The following KCNIP4 variants were observed in gnomAD, a reference collection of about 807,000 sequenced individuals.
The protein encoded by KCNIP4 is Kv channel-interacting protein 4.
A neutral mutation model predicts 34.0 loss-of-function variants in KCNIP4; 12 were observed. That is an observed-to-expected ratio of 0.35 (90% CI 0.23 to 0.57). KCNIP4 has a LOEUF of 0.57. Ranked by LOEUF, KCNIP4 falls within the 20% of genes least tolerant of loss-of-function variation. The pLI is 0.83. For missense variants in KCNIP4, 238 were observed against 311.7 expected, an observed-to-expected ratio of 0.76 and a Z score of 1.78; for synonymous variants, 124 against 102.2, an observed-to-expected ratio of 1.21 and a Z score of -1.29.
At chr4:21,304,071 GAGAGAGAGAGAGAGAC>G (rs878948981) in intron 1 of KCNIP4, 69,938 of 334,664 alleles carry the variant, frequency 0.21, 8,143 homozygotes, top group Admixed American at 0.29. Context: ...GAGAGAGACA[GAGAGAGAGAGAGAGAC>G]AGAGAGAGAG....
chr4:21,588,857 A>G (rs995154690), intron 1 of KCNIP4, among the ~76,000 whole-genome samples: 3 of 151,642 alleles, frequency 2.0e-5, no homozygotes, highest in Non-Finnish European at 4.4e-5. Flanking sequence ...TCACTACGAC[A>G]TAAGGATTCT....
chr4:20,802,302 A>T (rs1026423393), intron 3 of KCNIP4, among the ~76,000 whole-genome samples: 5 of 122,510 alleles, frequency 4.1e-5, no homozygotes, highest in Admixed American at 2.7e-4. Flanking sequence ...ATATATATGC[A>T]ATATATATAT....
chr4:21,652,220 T>C lies in KCNIP4; in HGVS notation c.61+296351A>G, dbSNP rs969116967. Among the ~76,000 whole-genome samples the C allele has an allele frequency of 8.5e-5, 13 of 152,220 alleles. No individual in the cohort carries two copies. In the South Asian group the frequency reaches 1.4e-3, roughly 17 times the overall value. On this transcript the variant is annotated intron_variant, in intron 1 of 8. Transcript: ENST00000382152. The stretch of plus-strand genomic sequence containing the variant: ...TCACACCAGCCTTAACAGTAAATCA[T>C]CCTTGTAGTATAAGTTTTCAGTTGT...
chr4:21,147,854 G>C (rs1443629591), intron 1 of KCNIP4, among the ~76,000 whole-genome samples: 1 of 146,428 alleles, frequency 6.8e-6, no homozygotes, highest in African/African-American at 2.6e-5. Flanking sequence ...TGGGAGAATT[G>C]CTTGAACCTG....
At chr4:21,077,021 A>C (rs1745550244) in intron 1 of KCNIP4, among the ~76,000 whole-genome samples, 1 of 152,122 alleles carries the variant, frequency 6.6e-6, no homozygotes, top group Non-Finnish European at 1.5e-5. Flanking sequence ...GTTACTTGGG[A>C]GGCTGAGACA....
chr4:20,986,999 C>T (rs1736637615), intron 1 of KCNIP4, among the ~76,000 whole-genome samples: 1 of 152,154 alleles, frequency 6.6e-6, no homozygotes, highest in African/African-American at 2.4e-5. Flanking sequence ...GGGGCTCTTT[C>T]ACATGCACCC....
chr4:21,935,962 T>TTATATATATATATA lies in KCNIP4; in HGVS notation c.61+12595_61+12608dup, dbSNP rs55704216. Among the ~76,000 whole-genome samples the TTATATATATATATA allele has an allele frequency of 1.3e-3, 194 of 148,038 alleles. 3 individuals are homozygous for TTATATATATATATA. Among genetic ancestry groups the TTATATATATATATA allele is most frequent in the African/African-American group, 4.5e-3 (183 of 40,494 alleles). ...CAAATATACCCAAAAGAAATGAAGA[T>TTATATATATATATA]TATATATATATATATATGCGCACAT... On this transcript the variant is annotated intron_variant, in intron 1 of 8. Coordinates refer to ENST00000382152, the MANE Select transcript of KCNIP4 (RefSeq NM_025221.6).
At chr4:21,278,057 AT>A (rs936466074) in intron 1 of KCNIP4, among the ~76,000 whole-genome samples, 3 of 151,684 alleles carry the variant, frequency 2.0e-5, no homozygotes, top group East Asian at 1.9e-4. Flanking sequence ...GTGTGATGAG[AT>A]TTTTTTTTAA....
chr4:20,926,593 A>G (rs561796676), intron 1 of KCNIP4, among the ~76,000 whole-genome samples: 3 of 152,050 alleles, frequency 2.0e-5, no homozygotes, highest in South Asian at 2.1e-4. Context: ...CCACTGCAGA[A>G]CTCTTTGGTA....
At chr4:21,000,190 T>A (rs1359575213) in intron 1 of KCNIP4, among the ~76,000 whole-genome samples, 1 of 151,980 alleles carries the variant, frequency 6.6e-6, no homozygotes, top group Admixed American at 6.6e-5. Flanking sequence ...TAGCAAAAAA[T>A]TTGGCTAATT....
chr4:20,849,674 G>A (rs1360185427), intron 3 of KCNIP4, among the ~76,000 whole-genome samples: 1 of 152,146 alleles, frequency 6.6e-6, no homozygotes, highest in African/African-American at 2.4e-5. Flanking sequence ...GGATCTCCAG[G>A]GGTGCCTGTA....
At chr4:21,455,800 C>A (rs1728876901) in intron 1 of KCNIP4, among the ~76,000 whole-genome samples, 1 of 114,922 alleles carries the variant, frequency 8.7e-6, no homozygotes, top group African/African-American at 3.2e-5. Context: ...GATAGTCTTA[C>A]AGATATTCAT....
chr4:21,251,574 T>TAA (rs1466070819), intron 1 of KCNIP4, among the ~76,000 whole-genome samples: 9 of 152,194 alleles, frequency 5.9e-5, no homozygotes, highest in Admixed American at 5.9e-4. Context: ...CAAAATATTT[T>TAA]GTTTCAAAAC....
intron 1 of KCNIP4, among the ~76,000 whole-genome samples, chr4:21,755,923 T>C (rs1560689874): frequency 6.6e-6 from 1 of 152,198 alleles, no homozygotes; most frequent in Non-Finnish European, 1.5e-5. Flanking sequence ...ATATAATAAA[T>C]TGCATTTTCC....
intron 2 of KCNIP4, among the ~76,000 whole-genome samples, chr4:20,854,189 A>G (rs1482689641): frequency 2.0e-5 from 3 of 152,234 alleles, no homozygotes; most frequent in South Asian, 4.1e-4. Flanking sequence ...ATACTTGCAC[A>G]TGCACGTTTA....
At chr4:21,422,591 C>T (rs147451278) in intron 1 of KCNIP4, among the ~76,000 whole-genome samples, 3 of 151,772 alleles carry the variant, frequency 2.0e-5, no homozygotes, top group African/African-American at 7.3e-5. Flanking sequence ...GGTGATGCTT[C>T]AAGTGAGAGA....
chr4:20,731,530 C>T (rs1367946316), intron 8 of KCNIP4: 3 of 985,254 alleles, frequency 3.0e-6, no homozygotes, highest in Non-Finnish European at 3.6e-6. Flanking sequence ...TTAGTGAGTT[C>T]AGTCAAAGAG....
chr4:21,275,932 A>T (rs952810036), intron 1 of KCNIP4, among the ~76,000 whole-genome samples: 1 of 152,280 alleles, frequency 6.6e-6, no homozygotes, highest in East Asian at 1.9e-4. Flanking sequence ...AAATACACTA[A>T]CAGTAATGAT....
chr4:21,717,857 C>T (rs1404785072), intron 1 of KCNIP4, among the ~76,000 whole-genome samples: 3 of 152,120 alleles, frequency 2.0e-5, no homozygotes, highest in Non-Finnish European at 4.4e-5. Context: ...CTGTGATCGT[C>T]ACTTTTCTCT....
Sources: allele counts gnomAD v4.1 joint callset (sites outside exome capture counted in the v4.1 genomes callset), GRCh38; gene constraint gnomAD v4.1.1; transcripts MANE v1.5; gene names NCBI Gene and HGNC (gene_info 2026-07-23, HGNC 2026-07-21).